The following LRP5 variants were observed in gnomAD, a reference collection of about 807,000 sequenced individuals.
The protein encoded by LRP5 is LDL receptor related protein 5, also known as low-density lipoprotein receptor-related protein 5.
In LRP5, 62 loss-of-function variants were observed where a neutral mutation model predicts 154.1. The ratio of observed to expected loss-of-function variants is 0.40; its 90% CI spans 0.33 to 0.50. The LOEUF is 0.50. Among genes scored for constraint, LRP5 ranks in the 20% least tolerant of loss-of-function variants. The pLI is 0.55. For synonymous variants in LRP5, 966 were observed against 1,011.5 expected (o/e 0.96, Z 0.85); for missense variants, 1,915 against 2,336.7 (o/e 0.82, Z 3.72).
At position 68,389,945 on chromosome 11, in the gene LRP5, G is replaced by C; in HGVS notation, c.1477G>C (p.Glu493Gln). The C allele has an allele frequency of 1.2e-6, 2 of 1,614,250 alleles. No individual in the cohort carries two copies. Among genetic ancestry groups the C allele is most frequent in the Non-Finnish European group, 1.7e-6 (2 of 1,180,046 alleles). Reference sequence around the variant, plus strand: ...CGAGTGTGCCAACTTGGATGGGCAGGAGCGGCGTGTGCTGGTCAATGCCTC... The same window carrying C: ...CGAGTGTGCCAACTTGGATGGGCAGCAGCGGCGTGTGCTGGTCAATGCCTC... ...KIECANLDGQ[E>Q]RRVLVNASLG... is the part of the protein sequence containing the mutation. The change falls in exon 7 of 23, where the codon GAG becomes CAG. Residue 493 changes from glutamate (E) to glutamine (Q), a missense_variant. Glu to Gln is a conservative substitution (Grantham distance 29, BLOSUM62 2). Coordinates refer to ENST00000294304, the MANE Select transcript of LRP5 (RefSeq NM_002335.4).
chr11:68,431,540 T>C (rs7111370), intron 17 of LRP5, among the ~76,000 whole-genome samples: 14,482 of 151,718 alleles, frequency 0.095, 915 homozygotes, highest in African/African-American at 0.17. Flanking sequence ...ACACCCGGAG[T>C]GCCGGTTGTT....
intron 1 of LRP5, among the ~76,000 whole-genome samples, chr11:68,336,023 C>T (rs1406858202): frequency 1.3e-5 from 2 of 152,160 alleles, no homozygotes; most frequent in African/African-American, 2.4e-5. Context: ...GAAGACTGTA[C>T]GTGTATATCC....
intron 8 of LRP5, 23 bp from the exon 9 acceptor site, chr11:68,406,501 G>A (rs1418789644): frequency 6.2e-7 from 1 of 1,613,566 alleles, no homozygotes; most frequent in Non-Finnish European, 8.5e-7. Flanking sequence ...TGTTTAGACT[G>A]GAGCCTCTGT....
At chr11:68,405,651 C>T (rs2098655239) in intron 8 of LRP5, among the ~76,000 whole-genome samples, 1 of 152,064 alleles carries the variant, frequency 6.6e-6, no homozygotes, top group African/African-American at 2.4e-5. Context: ...CCGTGGTTTG[C>T]TAAAGGAGAT....
At chr11:68,341,314 G>A (rs1051614842) in intron 1 of LRP5, among the ~76,000 whole-genome samples, 2 of 151,806 alleles carry the variant, frequency 1.3e-5, no homozygotes, top group Non-Finnish European at 2.9e-5. Context: ...GATGGTGGCC[G>A]GGCCCAGCTG....
intron 7 of LRP5, among the ~76,000 whole-genome samples, chr11:68,399,534 C>A (rs1322733518): frequency 6.6e-6 from 1 of 152,202 alleles, no homozygotes; most frequent in Non-Finnish European, 1.5e-5. Flanking sequence ...CTGGAAAATT[C>A]ATCTCCCAAG....
At chr11:68,375,047 C>A (rs1274351486) in intron 5 of LRP5, among the ~76,000 whole-genome samples, 1 of 152,270 alleles carries the variant, frequency 6.6e-6, no homozygotes, top group African/African-American at 2.4e-5. Context: ...GCAGCTCCAA[C>A]AGCTTCCCTT....
intron 10 of LRP5, 27 bp from the exon 11 acceptor site, chr11:68,411,409 C>A (rs749067378): frequency 1.2e-6 from 2 of 1,605,820 alleles, no homozygotes; most frequent in Non-Finnish European, 8.5e-7. Context: ...ACTCACTGAG[C>A]CTGCCCTTCT....
At chr11:68,395,496 A>G (rs1302476494) in intron 7 of LRP5, among the ~76,000 whole-genome samples, 1 of 152,040 alleles carries the variant, frequency 6.6e-6, no homozygotes, top group Middle Eastern at 3.2e-3. Flanking sequence ...GGCGCAGGGC[A>G]CGGGTGTCTT....
At chr11:68,358,565 TC>T (rs933029803) in intron 3 of LRP5, among the ~76,000 whole-genome samples, 2 of 152,086 alleles carry the variant, frequency 1.3e-5, no homozygotes, top group Non-Finnish European at 2.9e-5. Context: ...CCTGGCCCTA[TC>T]CCAGCTCAGG....
chr11:68,312,122 TA>T (rs1448508054), upstream of LRP5, among the ~76,000 whole-genome samples: 1 of 152,200 alleles, frequency 6.6e-6, no homozygotes, highest in Admixed American at 6.5e-5. Flanking sequence ...TAGTTTACAG[TA>T]AAACCTCAAA....
chr11:68,331,767 GT>G (rs2098602932), intron 1 of LRP5, among the ~76,000 whole-genome samples: 1 of 151,820 alleles, frequency 6.6e-6, no homozygotes, highest in African/African-American at 2.4e-5. Context: ...GTGTGTGTGT[GT>G]GTGTGTTTGA....
chr11:68,404,261 G>A (rs1485896475), intron 8 of LRP5: 9 of 524,284 alleles, frequency 1.7e-5, no homozygotes, highest in Non-Finnish European at 3.0e-5. Context: ...ATCCAGGTGC[G>A]GCAGGGACAG....
chr11:68,373,442 C>T (rs562111321), intron 5 of LRP5, among the ~76,000 whole-genome samples: 1 of 152,278 alleles, frequency 6.6e-6, no homozygotes, highest in Non-Finnish European at 1.5e-5. Flanking sequence ...TTTACGTGGC[C>T]CCTGAGCTGC....
chr11:68,428,286 C>T (rs1300079628), intron 16 of LRP5, among the ~76,000 whole-genome samples: 7 of 152,086 alleles, frequency 4.6e-5, no homozygotes, highest in Admixed American at 1.3e-4. Flanking sequence ...TGAGCCACCA[C>T]GCCTGGCACC....
chr11:68,437,760 G>A (rs2098675828), intron 19 of LRP5, among the ~76,000 whole-genome samples: 1 of 152,254 alleles, frequency 6.6e-6, no homozygotes, highest in African/African-American at 2.4e-5. Flanking sequence ...TGAAGGCAGT[G>A]GTGGGGGCCA....
intron 1 of LRP5, among the ~76,000 whole-genome samples, chr11:68,331,742 GCTGT>G (rs1168777060): frequency 1.2e-5 from 1 of 80,680 alleles, no homozygotes; most frequent in Non-Finnish European, 2.6e-5. Context: ...TTTCCTCTGG[GCTGT>G]GTGTGTGTGT....
intron 16 of LRP5, 90 bp downstream of exon 16, chr11:68,426,277 C>A: frequency 8.7e-6 from 10 of 1,144,104 alleles, no homozygotes; most frequent in Non-Finnish European, 1.2e-5. Context: ...TCCTGTGTGG[C>A]CTCAGCCAGG....
At chr11:68,350,917 CG>C (rs1431687682) in intron 2 of LRP5, among the ~76,000 whole-genome samples, 2 of 151,946 alleles carry the variant, frequency 1.3e-5, no homozygotes, top group East Asian at 1.9e-4. Context: ...TGCGTGTGCA[CG>C]CATATGCGTG....
Sources: gnomAD v4.1 joint callset for allele counts (sites outside exome capture counted in the v4.1 genomes callset) on GRCh38, gnomAD v4.1.1 for gene constraint, MANE v1.5 for transcripts, NCBI Gene and HGNC (gene_info 2026-07-23, HGNC 2026-07-21) for gene names.